The following HIVEP3 variants were observed in gnomAD, a reference collection of about 807,000 sequenced individuals.
HIVEP3 encodes the protein HIVEP zinc finger 3.
In HIVEP3, 49 loss-of-function variants were observed where a neutral mutation model predicts 152.8. The observed-to-expected ratio is 0.32, with a 90% CI of 0.26 to 0.41. HIVEP3 has a LOEUF of 0.41. Among genes scored for constraint, HIVEP3 ranks in the 10% least tolerant of loss-of-function variants. HIVEP3 has a pLI of 1.00. For missense variants in HIVEP3, 2,790 were observed against 3,103.3 expected, an observed-to-expected ratio of 0.90 and a Z score of 2.40; for synonymous variants, 1,269 against 1,289.0, an observed-to-expected ratio of 0.98 and a Z score of 0.33.
At chr1:41,848,636 TG>T (rs1212117704) in intron 1 of HIVEP3, among the ~76,000 whole-genome samples, 3 of 152,056 alleles carry the variant, frequency 2.0e-5, no homozygotes, top group African/African-American at 7.2e-5. Flanking sequence ...GACCCAGGAA[TG>T]GCCCAACATC....
intron 1 of HIVEP3, among the ~76,000 whole-genome samples, chr1:41,729,294 T>G (rs1232149171): frequency 6.6e-6 from 1 of 152,222 alleles, no homozygotes; most frequent in Non-Finnish European, 1.5e-5. Context: ...AGGGCAGACC[T>G]GGGCCCATGC....
chr1:41,638,422 G>A (rs532086091), intron 2 of HIVEP3, among the ~76,000 whole-genome samples: 1 of 151,610 alleles, frequency 6.6e-6, no homozygotes, highest in African/African-American at 2.4e-5. Context: ...AAGTAAGGAA[G>A]AAAAGGAAGA....
At chr1:41,836,122 C>T (rs927366491) in intron 1 of HIVEP3, among the ~76,000 whole-genome samples, 12 of 152,204 alleles carry the variant, frequency 7.9e-5, no homozygotes, top group Admixed American at 3.3e-4. Flanking sequence ...GATCCTCTGG[C>T]CATGACTAGG....
intron 1 of HIVEP3, among the ~76,000 whole-genome samples, chr1:41,732,733 C>G (rs115381700): frequency 6.6e-6 from 1 of 152,144 alleles, no homozygotes; most frequent in Non-Finnish European, 1.5e-5. Flanking sequence ...ACCTGGACCG[C>G]GACGCTCTAT....
chr1:41,563,866 G>A lies in HIVEP3; in HGVS notation c.5207+11678C>T, dbSNP rs753330889. Reference sequence around the variant, plus strand: ...TAAGATAGTAGAGTCTATCAAACAAGAACAGGATGCCATTAAAGGGACATT... The same window carrying A: ...TAAGATAGTAGAGTCTATCAAACAAAAACAGGATGCCATTAAAGGGACATT... On this transcript the variant is annotated intron_variant, in intron 5 of 8. Coordinates refer to ENST00000372583, the MANE Select transcript of HIVEP3 (RefSeq NM_024503.5). Among the ~76,000 whole-genome samples, 178 of 152,090 alleles carry A rather than the reference G, an allele frequency of 1.2e-3. 5 individuals are homozygous for A. Among genetic ancestry groups the A allele is most frequent in the Admixed American group, 1.8e-3 (27 of 15,284 alleles).
chr1:41,857,090 G>T (rs1476508129), intron 1 of HIVEP3, among the ~76,000 whole-genome samples: 1 of 152,052 alleles, frequency 6.6e-6, no homozygotes, highest in Admixed American at 6.6e-5. Context: ...TCCTTCTGCA[G>T]TGCATGCCAA....
Position 41,581,416 on chromosome 1 carries a change from C to G in HIVEP3, c.3382G>C (p.Val1128Leu). Residue 1128 changes from valine to leucine, a missense_variant, in exon 4 of 9, where the codon GTT becomes CTT. Val to Leu is a conservative substitution (Grantham distance 32). Transcript: ENST00000372583. This position sits in a 1 kb window ranked among gnomAD's most constrained non-coding sequence, Gnocchi z 4.5. ...TTCTCATGCAGGGGTGTCTGGGCAACGGGGTGGTGGAACACTTGCAGTGCT... is the reference window on the plus strand; with the variant it reads ...TTCTCATGCAGGGGTGTCTGGGCAAGGGGGTGGTGGAACACTTGCAGTGCT... The part of the protein sequence containing the change: ...TEALQVFHHP[V>L]AQTPLHEKPY... 6 of 1,599,700 alleles carry G rather than the reference C, an allele frequency of 3.8e-6. No individual in the cohort carries two copies. Among genetic ancestry groups the G allele is most frequent in the East Asian group, 2.2e-5 (1 of 44,838 alleles).
chr1:41,601,837 T>A (rs1273515222), intron 3 of HIVEP3, among the ~76,000 whole-genome samples: 1 of 152,148 alleles, frequency 6.6e-6, no homozygotes, highest in Non-Finnish European at 1.5e-5. Context: ...GAGAAAAAAC[T>A]TTTCCGTTTT....
intron 2 of HIVEP3, among the ~76,000 whole-genome samples, chr1:41,641,011 G>A (rs570678834): frequency 2.0e-5 from 3 of 152,314 alleles, no homozygotes; most frequent in South Asian, 4.1e-4. Context: ...CCTGGGCTGG[G>A]GTAAGAACAA....
At chr1:41,974,417 C>A (rs1398163414) in intron 1 of HIVEP3, among the ~76,000 whole-genome samples, 3 of 151,424 alleles carry the variant, frequency 2.0e-5, no homozygotes, top group Non-Finnish European at 4.4e-5. Context: ...ATGGTTTCAG[C>A]ATGCTATCAC....
At chr1:41,549,408 C>T (rs1378437343) in intron 5 of HIVEP3, among the ~76,000 whole-genome samples, 1 of 152,190 alleles carries the variant, frequency 6.6e-6, no homozygotes, top group Admixed American at 6.5e-5. Flanking sequence ...ATTCCTGGAT[C>T]AAATGGTATT....
chr1:41,534,987 T>C (rs1321436485), intron 5 of HIVEP3, among the ~76,000 whole-genome samples: 1 of 152,114 alleles, frequency 6.6e-6, no homozygotes, highest in Non-Finnish European at 1.5e-5. Flanking sequence ...CCTCATAACC[T>C]GAGACACGGC....
At chr1:41,851,571 G>T (rs577226104) in intron 1 of HIVEP3, among the ~76,000 whole-genome samples, 2 of 152,122 alleles carry the variant, frequency 1.3e-5, no homozygotes, top group East Asian at 1.9e-4. Flanking sequence ...AAAGTGCTGG[G>T]ATTACAGGCG....
intron 1 of HIVEP3, among the ~76,000 whole-genome samples, chr1:41,838,705 T>C (rs1287337487): frequency 6.6e-6 from 1 of 152,108 alleles, no homozygotes. Context: ...TTCTCATCTA[T>C]AGAATGGAGT....
At position 41,583,433 on chromosome 1, in the gene HIVEP3, A is replaced by G. The variant is rs1644451385; in HGVS notation, c.1365T>C (p.Ser455=). 2 of 1,613,820 alleles carry G rather than the reference A, an allele frequency of 1.2e-6. No homozygotes were observed. The highest frequency in any genetic ancestry group is 1.3e-5 in the African/African-American group (1 of 74,934). Residue 455 remains serine, a synonymous_variant, in exon 4 of 9, where the codon TCT becomes TCC. Transcript: ENST00000372583. The surrounding 1 kb of genome is among the most constrained non-coding windows in gnomAD (Gnocchi z 6.9). The stretch of plus-strand genomic sequence containing the variant: ...GCTCGATCACCTGCGTCCGGGGTAC[A>G]GACAAAGGCACCAGGCTGGGCTTGT... ...TEDKPSLVPL[S]VPRTQVIEHI...
At chr1:41,940,662 C>T (rs1416545815) in intron 1 of HIVEP3, among the ~76,000 whole-genome samples, 1 of 151,902 alleles carries the variant, frequency 6.6e-6, no homozygotes, top group East Asian at 1.9e-4. Flanking sequence ...GCAAGAAACA[C>T]GTTGTGTATA....
At chr1:41,542,409 T>C in intron 5 of HIVEP3, 1 of 153,546 alleles carries the variant, frequency 6.5e-6, no homozygotes, top group South Asian at 1.9e-4. Flanking sequence ...ACCCCCCCGC[T>C]GGAGGATGAT....
chr1:41,768,668 G>A (rs1648162257), intron 1 of HIVEP3, among the ~76,000 whole-genome samples: 1 of 152,194 alleles, frequency 6.6e-6, no homozygotes, highest in Non-Finnish European at 1.5e-5. Flanking sequence ...AACTCTTCTC[G>A]CAGGCTGGGA....
intron 2 of HIVEP3, among the ~76,000 whole-genome samples, chr1:41,665,150 T>C (rs1052159751): frequency 3.9e-5 from 6 of 152,074 alleles, no homozygotes; most frequent in African/African-American, 1.4e-4. Flanking sequence ...CAGAAGGTCT[T>C]CAGGACTCCA....
Sources: gnomAD v4.1 joint callset for allele counts (sites outside exome capture counted in the v4.1 genomes callset) on GRCh38, gnomAD v4.1.1 for gene constraint, Gnocchi (gnomAD v3.1) non-coding constraint, MANE v1.5 for transcripts, NCBI Gene and HGNC (gene_info 2026-07-23, HGNC 2026-07-21) for gene names.